Variants in VAV2 observed in about 807,000 individuals in gnomAD.
VAV2 encodes guanine nucleotide exchange factor VAV2.
VAV2 carries 67 observed loss-of-function variants against 132.5 expected under a neutral mutation model. The observed-to-expected ratio is 0.51, with a 90% CI of 0.42 to 0.62. The LOEUF is 0.62. VAV2 is among the 20% of genes least tolerant of loss of function. The pLI is 0.00. For synonymous variants in VAV2, 492 were observed against 443.5 expected (o/e 1.11, Z -1.37); for missense variants, 938 against 1,153.6 (o/e 0.81, Z 2.71).
intron 2 of VAV2, among the ~76,000 whole-genome samples, chr9:133,869,853 C>A (rs73662316): frequency 6.6e-6 from 1 of 152,202 alleles, no homozygotes; most frequent in Non-Finnish European, 1.5e-5. Flanking sequence ...CGCAGCCCAA[C>A]GGAGCCAAAT....
chr9:133,851,808 G>C (rs11507040), intron 3 of VAV2, among the ~76,000 whole-genome samples: 1 of 127,720 alleles, frequency 7.8e-6, no homozygotes, highest in Non-Finnish European at 1.5e-5. Flanking sequence ...TAAATGGATG[G>C]ATGGATGGAT....
At chr9:133,960,421 C>T (rs1254772584) in intron 1 of VAV2, among the ~76,000 whole-genome samples, 2 of 152,170 alleles carry the variant, frequency 1.3e-5, no homozygotes, top group Non-Finnish European at 2.9e-5. Flanking sequence ...CCCACTGGAG[C>T]CTCACTCCCT....
intron 2 of VAV2, among the ~76,000 whole-genome samples, chr9:133,864,125 TTACCTCG>T (rs1216874352): frequency 6.6e-6 from 1 of 152,216 alleles, no homozygotes; most frequent in Non-Finnish European, 1.5e-5. Context: ...CCTACTTTTA[TTACCTCG>T]TCTGTTCCGA....
At position 133,992,178 on chromosome 9, in the gene VAV2, G is replaced by A; in HGVS notation, c.101C>T (p.Ala34Val). ...VWPSAVVFDL[A>V]QALRDGVLLC... ...AAGGACCCCGTCGCGCAGCGCCTGC[G>A]CCAGGTCGAAGACCACGGCCGAGGG... The change falls in exon 1 of 30, where the codon GCG (alanine) becomes GTG (valine). Residue 34 changes from alanine to valine, a missense_variant. Physicochemically the swap from Ala to Val is moderately conservative, Grantham distance 64 (BLOSUM62 0). Transcript: ENST00000371850. This position sits in a 1 kb window ranked among gnomAD's most constrained non-coding sequence, Gnocchi z 5.5. The A allele has an allele frequency of 6.3e-7, 1 of 1,599,740 alleles. No individual in the cohort carries two copies.
At chr9:133,841,827 C>G (rs1050362148) in intron 3 of VAV2, among the ~76,000 whole-genome samples, 4 of 152,192 alleles carry the variant, frequency 2.6e-5, no homozygotes, top group African/African-American at 9.7e-5. Context: ...GGTGCATAAG[C>G]CTCCTAGTGA....
At chr9:133,962,919 C>T (rs571355343) in intron 1 of VAV2, among the ~76,000 whole-genome samples, 1 of 152,326 alleles carries the variant, frequency 6.6e-6, no homozygotes, top group East Asian at 1.9e-4. Context: ...TCTTTCATGG[C>T]TGCTAAAAGT....
In VAV2 at chr9:133,802,298, G is replaced by C. The variant is rs531579533; in HGVS notation, c.836+3783C>G. On this transcript the variant is annotated intron_variant, in intron 9 of 29. Transcript: ENST00000371850. This position sits in a 1 kb window ranked among gnomAD's most constrained non-coding sequence, Gnocchi z 5.8. ...TATGCACACACACACACATGCATGT[G>C]CACACAAACACACAAGCACGCGTGT... Among the ~76,000 whole-genome samples, 1 of 147,728 alleles carries C rather than the reference G, an allele frequency of 6.8e-6. No homozygotes were observed. The highest frequency in any genetic ancestry group is 1.5e-5 in the Non-Finnish European group (1 of 67,246).
intron 2 of VAV2, 88 bp from the exon 3 acceptor site, chr9:133,861,520 C>A: frequency 6.8e-7 from 1 of 1,460,582 alleles, no homozygotes; most frequent in South Asian, 1.2e-5. Flanking sequence ...TGCAGGACGT[C>A]GAGAACTGTT....
At chr9:133,911,073 A>G (rs185133567) in intron 2 of VAV2, among the ~76,000 whole-genome samples, 1 of 152,186 alleles carries the variant, frequency 6.6e-6, no homozygotes. Flanking sequence ...TGCAGGAAGC[A>G]GGGCCGGGCA....
At chr9:133,839,454 T>G (rs1337285752) in intron 3 of VAV2, among the ~76,000 whole-genome samples, 1 of 151,164 alleles carries the variant, frequency 6.6e-6, no homozygotes, top group African/African-American at 2.4e-5. Context: ...CGAGGAAGTT[T>G]TTTTTTTTTT....
intron 9 of VAV2, among the ~76,000 whole-genome samples, chr9:133,799,870 C>T (rs956263548): frequency 7.2e-5 from 11 of 152,130 alleles, no homozygotes; most frequent in African/African-American, 1.9e-4. Context: ...CCGGACAGCC[C>T]GAAAGTGAGC....
chr9:133,815,068 TAAG>T (rs1835506052), intron 4 of VAV2, among the ~76,000 whole-genome samples: 1 of 151,992 alleles, frequency 6.6e-6, no homozygotes, highest in Non-Finnish European at 1.5e-5. Context: ...CCAAACATAT[TAAG>T]GAGGGAGAGA....
chr9:133,888,180 C>A (rs928630170), intron 2 of VAV2, among the ~76,000 whole-genome samples: 6 of 152,152 alleles, frequency 3.9e-5, no homozygotes, highest in Admixed American at 1.3e-4. Context: ...AGACAGCAAG[C>A]AGAAGTGGGG....
At chr9:133,801,457 G>A (rs906403738) in intron 9 of VAV2, among the ~76,000 whole-genome samples, 12 of 152,204 alleles carry the variant, frequency 7.9e-5, no homozygotes, top group African/African-American at 2.7e-4. Flanking sequence ...GGGCCCCAGG[G>A]TGACGCCTCT....
intron 12 of VAV2, among the ~76,000 whole-genome samples, chr9:133,792,924 CT>C (rs1452148993): frequency 2.0e-5 from 3 of 152,138 alleles, no homozygotes; most frequent in African/African-American, 7.2e-5. Context: ...CGTGGTCCCT[CT>C]TAAACATCCT....
chr9:133,895,926 A>G (rs372660588), intron 2 of VAV2, among the ~76,000 whole-genome samples: 2 of 133,684 alleles, frequency 1.5e-5, no homozygotes, highest in East Asian at 4.1e-4. Context: ...CCACACTAAA[A>G]TCTTTTTTTT....
At chr9:133,978,132 C>A (rs1842575060) in intron 1 of VAV2, among the ~76,000 whole-genome samples, 1 of 152,258 alleles carries the variant, frequency 6.6e-6, no homozygotes, top group Non-Finnish European at 1.5e-5. Context: ...GAGGGTGAGG[C>A]CAGGACAGGC....
At chr9:133,941,608 TGG>T (rs56802789) in intron 1 of VAV2, among the ~76,000 whole-genome samples, 6,838 of 135,090 alleles carry the variant, frequency 0.051, 265 homozygotes, top group Middle Eastern at 0.1. Flanking sequence ...CACTTTTTTT[TGG>T]GGGGGGGGGG....
chr9:133,931,792 C>T (rs560506633), intron 2 of VAV2, among the ~76,000 whole-genome samples: 2 of 152,262 alleles, frequency 1.3e-5, no homozygotes, highest in South Asian at 2.1e-4. Context: ...CCCAGGGCCC[C>T]GCGAAGGAGC....
Sources: gnomAD v4.1 joint callset for allele counts (sites outside exome capture counted in the v4.1 genomes callset) on GRCh38, gnomAD v4.1.1 for gene constraint, Gnocchi (gnomAD v3.1) non-coding constraint, MANE v1.5 for transcripts, NCBI Gene and HGNC (gene_info 2026-07-23, HGNC 2026-07-21) for gene names.